Variants in TCL1B observed in about 807,000 individuals in gnomAD.
TCL1B encodes the protein T-cell leukemia/lymphoma protein 1B.
In TCL1B, 14 loss-of-function variants were observed where a neutral mutation model predicts 16.9. The observed-to-expected ratio is 0.83, with a 90% CI of 0.55 to 1.30. The LOEUF (loss-of-function observed/expected upper bound fraction) is 1.30, where lower values mean the gene tolerates loss of function less well. Among genes scored for constraint, TCL1B ranks in the 50% most tolerant of loss-of-function variants. The pLI is 0.00. For synonymous variants in TCL1B, 79 were observed against 66.6 expected (o/e 1.19, Z -0.91); for missense variants, 166 against 165.2 (o/e 1.00, Z -0.03).
Position 95,691,402 on chromosome 14 carries a change from T to A in TCL1B, c.*15+66T>A, listed in dbSNP as rs936998312. ...GAAAGTGAGAAGACCTCTCCTCTTT[T>A]CAGAAAGACGGCGTGGCCTCCTCCT... On this transcript the variant is annotated intron_variant, in intron 3 of 3. Coordinates refer to ENST00000340722, the MANE Select transcript of TCL1B (RefSeq NM_004918.4). The A allele has an allele frequency of 1.1e-5, 16 of 1,489,952 alleles. 1 individual carries two copies. The Admixed American group carries it at 3.1e-4, about 29-fold the overall frequency. The allele number at this position is 1,489,952 out of a possible 1,614,324, so 92.3% of individuals were successfully genotyped here.
chr14:95,690,279 G>A (rs1416272117), intron 1 of TCL1B, among the ~76,000 whole-genome samples: 1 of 152,214 alleles, frequency 6.6e-6, no homozygotes, highest in East Asian at 1.9e-4. Flanking sequence ...TGGGATTACA[G>A]GCATAAGCCA....
chr14:95,687,735 G>C (rs540281043), intron 1 of TCL1B, among the ~76,000 whole-genome samples: 1 of 151,986 alleles, frequency 6.6e-6, no homozygotes, highest in Non-Finnish European at 1.5e-5. Context: ...GGCTTATCAC[G>C]AGATCAGGAG....
At chr14:95,691,800 C>T (rs1210754993) in intron 3 of TCL1B, 131 bp from the exon 4 acceptor site, 1 of 155,916 alleles carries the variant, frequency 6.4e-6, no homozygotes, top group Non-Finnish European at 1.4e-5. Context: ...TGGGCAGCAG[C>T]TTGGAGCAGG....
intron 2 of TCL1B, 151 bp from the exon 3 acceptor site, chr14:95,691,117 G>A (rs1458231524): frequency 2.8e-6 from 3 of 1,080,042 alleles, no homozygotes; most frequent in Admixed American, 2.5e-5. Context: ...GGGAGGGAGG[G>A]TTGCCTTCCC....
intron 1 of TCL1B, among the ~76,000 whole-genome samples, chr14:95,686,917 A>G (rs1193022846): frequency 6.6e-6 from 1 of 152,180 alleles, no homozygotes; most frequent in Non-Finnish European, 1.5e-5. Flanking sequence ...GCCTGCTGGG[A>G]AGGCCCACAA....
chr14:95,686,519 A>T lies in TCL1B; in HGVS notation c.52A>T (p.Ile18Phe). The part of the protein sequence containing the change: ...RLGVPPGRLW[I>F]QRPGIYEDEE... ...AGGGGTGCCCCCTGGCCGTCTGTGG[A>T]TCCAGAGGCCTGGCATCTACGAAGA... Residue 18 changes from isoleucine (I) to phenylalanine (F), a missense_variant, in exon 1 of 4, where the codon ATC becomes TTC. By Grantham distance (21) the Ile-to-Phe change is conservative. Transcript: ENST00000340722. The T allele has an allele frequency of 6.2e-7, 1 of 1,613,392 alleles. No individual in the cohort carries two copies. The highest frequency in any genetic ancestry group is 8.5e-7 in the Non-Finnish European group (1 of 1,179,704).
In TCL1B at chr14:95,686,623, C is replaced by T. The variant is rs759615130; in HGVS notation, c.156C>T (p.Gly52=). 1.9e-6 allele frequency: 3 copies of T among 1,606,664 alleles called. No individual in the cohort carries two copies. The highest frequency in any genetic ancestry group is 3.4e-5 in the Admixed American group (2 of 59,290). The change falls in exon 1 of 4, where the codon GGC becomes GGT. Residue 52 remains glycine, a synonymous_variant. Transcript: ENST00000340722. ...GGGAATGGGCCAGGGCCTCCCAGGGCAGCAGAGTGAGTCCTGGGCACGAGG... is the reference window on the plus strand; with the variant it reads ...GGGAATGGGCCAGGGCCTCCCAGGGTAGCAGAGTGAGTCCTGGGCACGAGG... ...SRREWARASQ[G]SRYEPSITVH...
In TCL1B at chr14:95,686,557, A is replaced by T; in HGVS notation, c.90A>T (p.Arg30Ser). ...GCATCTACGAAGATGAGGAGGGGAG[A>T]ACCTGGGTGACTGTGGTCGTGCGGT... ...RPGIYEDEEG[R>S]TWVTVVVRFN... Residue 30 changes from arginine to serine, a missense_variant, in exon 1 of 4, where the codon AGA becomes AGT. Physicochemically the swap from Arg to Ser is moderately radical, Grantham distance 110 (BLOSUM62 -1). Transcript: ENST00000340722. 1 of 1,613,726 alleles carries T rather than the reference A, an allele frequency of 6.2e-7. No individual in the cohort carries two copies. The highest frequency in any genetic ancestry group is 8.5e-7 in the Non-Finnish European group (1 of 1,179,852).
At position 95,686,649 on chromosome 14, in the gene TCL1B, G is replaced by A. The variant is rs1461745435; in HGVS notation, c.162+20G>A. 1 of 1,590,642 alleles carries A rather than the reference G, an allele frequency of 6.3e-7. No homozygotes were observed. Among genetic ancestry groups the A allele is most frequent in the African/African-American group, 1.3e-5 (1 of 74,540 alleles). On this transcript the variant is annotated intron_variant, in intron 1 of 3. Coordinates refer to ENST00000340722, the MANE Select transcript of TCL1B (RefSeq NM_004918.4). ...AGCAGAGTGAGTCCTGGGCACGAGG[G>A]GAGGCTGTGGGGAGGGCTGCGCACT...
chr14:95,691,179 G>C, intron 2 of TCL1B, 89 bp from the exon 3 acceptor site: 2 of 1,436,586 alleles, frequency 1.4e-6, no homozygotes, highest in Non-Finnish European at 1.9e-6. Context: ...ACCCCTGCCT[G>C]CTGCTGCTGC....
chr14:95,686,452 C>G lies in TCL1B; in HGVS notation c.-16C>G, dbSNP rs200228018. Reference sequence around the variant, plus strand: ...CACGTGTGAGCCTAGAGGCGGGTCCCGGTTGCAGACTTGCCATGGCCTCCG... The same window carrying G: ...CACGTGTGAGCCTAGAGGCGGGTCCGGGTTGCAGACTTGCCATGGCCTCCG... On this transcript the variant is annotated 5_prime_UTR_variant, in exon 1 of 4. Coordinates refer to ENST00000340722, the MANE Select transcript of TCL1B (RefSeq NM_004918.4). 20 of 1,577,528 alleles carry G rather than the reference C, an allele frequency of 1.3e-5. No individual in the cohort carries two copies. Among genetic ancestry groups the G allele is most frequent in the Non-Finnish European group, 1.7e-5 (20 of 1,163,226 alleles).
intron 2 of TCL1B, 41 bp downstream of exon 2, chr14:95,690,947 C>T (rs758484544): frequency 6.3e-7 from 1 of 1,598,710 alleles, no homozygotes; most frequent in East Asian, 2.2e-5. Flanking sequence ...ACAGGTGGCC[C>T]CTGGTGACTG....
chr14:95,686,493 T>C lies in TCL1B; in HGVS notation c.26T>C (p.Leu9Pro), dbSNP rs150124368. 5.3e-4 allele frequency: 860 copies of C among 1,610,026 alleles called. 2 individuals are homozygous for C. The African/African-American group carries it at 9.6e-3, about 18-fold the overall frequency. ...ATGGCCTCCGAAGCTTCTGTGCGTCTAGGGGTGCCCCCTGGCCGTCTGTGG... is the reference window on the plus strand; with the variant it reads ...ATGGCCTCCGAAGCTTCTGTGCGTCCAGGGGTGCCCCCTGGCCGTCTGTGG... The part of the protein sequence containing the change: MASEASVR[L>P]GVPPGRLWIQ... The change falls in exon 1 of 4, where the codon CTA becomes CCA. Residue 9 changes from leucine (L) to proline (P), a missense_variant. Physicochemically the swap from Leu to Pro is moderately conservative, Grantham distance 98. Transcript: ENST00000340722.
Position 95,690,794 on chromosome 14 carries a change from T to A in TCL1B, c.221T>A (p.Leu74His). ...ATGGCAGTGCATACCCGGGAGCTAC[T>A]CTCCTCCGGCCAGATGCCCTTCTCC... Reference protein sequence around the residue: ...WQMAVHTRELLSSGQMPFSQL... With the variant: ...WQMAVHTRELHSSGQMPFSQL... Residue 74 changes from leucine (L) to histidine (H), a missense_variant, in exon 2 of 4, where the codon CTC becomes CAC. Leu to His is a moderately conservative substitution (Grantham distance 99, BLOSUM62 -3). Coordinates refer to ENST00000340722, the MANE Select transcript of TCL1B (RefSeq NM_004918.4). 1 of 1,614,216 alleles carries A rather than the reference T, an allele frequency of 6.2e-7. No homozygotes were observed. Among genetic ancestry groups the A allele is most frequent in the Non-Finnish European group, 8.5e-7 (1 of 1,180,032 alleles).
chr14:95,690,646 C>A, intron 1 of TCL1B, 90 bp from the exon 2 acceptor site: 1 of 1,414,910 alleles, frequency 7.1e-7, no homozygotes, highest in East Asian at 2.3e-5. Context: ...TTACCTCTGA[C>A]CCTGGCAGCC....
intron 3 of TCL1B, 84 bp downstream of exon 3, chr14:95,691,420 C>A: frequency 7.9e-7 from 1 of 1,259,890 alleles, no homozygotes; most frequent in Non-Finnish European, 1.1e-6. Flanking sequence ...ACGGCGTGGC[C>A]TCCTCCTCCC....
chr14:95,688,332 A>T (rs989969145), intron 1 of TCL1B: 2 of 152,120 alleles, frequency 1.3e-5, no homozygotes, highest in African/African-American at 4.8e-5. Context: ...CACATTTCCT[A>T]AAAAAAGTTC....
intron 1 of TCL1B, among the ~76,000 whole-genome samples, chr14:95,689,685 A>C (rs1368865690): frequency 6.6e-6 from 1 of 152,250 alleles, no homozygotes; most frequent in Non-Finnish European, 1.5e-5. Flanking sequence ...AGCCAGACTT[A>C]GTTTGCTGAT....
rs748876750 is a variant in TCL1B at position 95,686,580 on chromosome 14, G to A, written c.113G>A (p.Arg38Gln). 12 of 1,613,676 alleles carry A rather than the reference G, an allele frequency of 7.4e-6. No individual in the cohort carries two copies. The East Asian group carries it at 2.7e-4, about 36-fold the overall frequency. ...EGRTWVTVVV[R>Q]FNPSRREWAR... ...AGAACCTGGGTGACTGTGGTCGTGC[G>A]GTTCAATCCCTCGCGTAGGGAATGG... is the stretch of plus-strand genomic sequence containing the variant. Residue 38 changes from arginine to glutamine, a missense_variant, in exon 1 of 4, where the codon CGG becomes CAG. Arg to Gln is a conservative substitution (Grantham distance 43). Coordinates refer to ENST00000340722, the MANE Select transcript of TCL1B (RefSeq NM_004918.4).
Sources: gnomAD v4.1 joint callset for allele counts (sites outside exome capture counted in the v4.1 genomes callset) on GRCh38, gnomAD v4.1.1 for gene constraint, MANE v1.5 for transcripts, NCBI Gene and HGNC (gene_info 2026-07-23, HGNC 2026-07-21) for gene names.